Variants in TMEM178B observed in about 807,000 individuals in gnomAD.
The protein encoded by TMEM178B is transmembrane protein 178B.
In TMEM178B, 5 loss-of-function variants were observed where a neutral mutation model predicts 31.0. That is an observed-to-expected ratio of 0.16 (90% CI 0.08 to 0.34). TMEM178B has a LOEUF of 0.34. Ranked by LOEUF, TMEM178B falls within the 10% of genes least tolerant of loss-of-function variation. The pLI, the probability that TMEM178B is intolerant of heterozygous loss-of-function variation, is 1.00. For synonymous variants in TMEM178B, 164 were observed against 164.0 expected, an observed-to-expected ratio of 1.00 and a Z score of 0.00; for missense variants, 275 against 400.3, an observed-to-expected ratio of 0.69 and a Z score of 2.67.
chr7:141,508,244 A>G, the TMEM178B span, among the ~76,000 whole-genome samples: 206 of 152,326 alleles, frequency 1.4e-3, 2 homozygotes, highest in African/African-American at 4.7e-3. Flanking sequence ...CTCTAGCTTT[A>G]GCAGTCTCTT....
intron 2 of TMEM178B, among the ~76,000 whole-genome samples, chr7:141,350,104 A>G (rs1227454092): frequency 6.6e-6 from 1 of 152,106 alleles, no homozygotes; most frequent in Admixed American, 6.5e-5. Context: ...GCTTGAAGTT[A>G]CAGAGATGAA....
At chr7:141,228,087 A>G (rs181826852) in intron 2 of TMEM178B, among the ~76,000 whole-genome samples, 1 of 152,248 alleles carries the variant, frequency 6.6e-6, no homozygotes, top group East Asian at 1.9e-4. Flanking sequence ...TCAAAAGCAA[A>G]TTCAACTTAG....
chr7:141,502,316 C>CCGGG, the TMEM178B span, among the ~76,000 whole-genome samples: 1 of 132,880 alleles, frequency 7.5e-6, no homozygotes, highest in African/African-American at 4.1e-5. Context: ...AGAAAAGAGG[C>CCGGG]CGGGGATGGT....
chr7:141,459,537 T>C (rs1362458202), intron 3 of TMEM178B, among the ~76,000 whole-genome samples: 3 of 152,140 alleles, frequency 2.0e-5, no homozygotes, highest in Non-Finnish European at 2.9e-5. Flanking sequence ...CATAAAAATT[T>C]TAAAGATTCA....
intron 2 of TMEM178B, among the ~76,000 whole-genome samples, chr7:141,364,659 CAAAAAAA>C (rs980786132): frequency 1.3e-4 from 6 of 47,694 alleles, no homozygotes; most frequent in Admixed American, 5.4e-4. Context: ...GACTCTGTCT[CAAAAAAA>C]AAAAAAAAAA....
chr7:141,433,137 T>C (rs1471428317), intron 2 of TMEM178B, among the ~76,000 whole-genome samples: 7 of 152,138 alleles, frequency 4.6e-5, no homozygotes, highest in Admixed American at 1.3e-4. Flanking sequence ...CACCTGTTGA[T>C]CTCCAAACCT....
chr7:141,103,001 C>T (rs1795083408), intron 1 of TMEM178B, among the ~76,000 whole-genome samples: 1 of 152,164 alleles, frequency 6.6e-6, no homozygotes, highest in Non-Finnish European at 1.5e-5. Flanking sequence ...CACAGGCAGC[C>T]ACACTCACTG....
At chr7:141,213,946 A>G (rs898022070) in intron 2 of TMEM178B, among the ~76,000 whole-genome samples, 31 of 152,236 alleles carry the variant, frequency 2.0e-4, no homozygotes, top group Admixed American at 6.5e-5. Context: ...CCATTACTAG[A>G]GACACTAAGC....
chr7:141,496,711 AGAAGACAT>A, the TMEM178B span, among the ~76,000 whole-genome samples: 214 of 151,614 alleles, frequency 1.4e-3, 3 homozygotes, highest in African/African-American at 4.8e-3. Flanking sequence ...AGAAGGGAAA[AGAAGACAT>A]GACAGAGGAA....
intron 3 of TMEM178B, among the ~76,000 whole-genome samples, chr7:141,441,479 G>A (rs1801656486): frequency 6.6e-6 from 1 of 152,284 alleles, no homozygotes; most frequent in African/African-American, 2.4e-5. Context: ...CCCAGGCTCA[G>A]GTTGCTCACC....
chr7:141,399,858 G>T (rs974164732), intron 2 of TMEM178B, among the ~76,000 whole-genome samples: 3 of 151,994 alleles, frequency 2.0e-5, no homozygotes, highest in African/African-American at 7.3e-5. Context: ...GTCTTACTTT[G>T]GGTCTTGAAA....
chr7:141,280,119 A>T (rs1586867354), intron 2 of TMEM178B, among the ~76,000 whole-genome samples: 1 of 152,272 alleles, frequency 6.6e-6, no homozygotes, highest in East Asian at 1.9e-4. Flanking sequence ...AATGTCTAGT[A>T]TTGCATGTTT....
chr7:141,339,113 C>T (rs1217219530), intron 2 of TMEM178B, among the ~76,000 whole-genome samples: 1 of 152,068 alleles, frequency 6.6e-6, no homozygotes, highest in Non-Finnish European at 1.5e-5. Context: ...AGCCCTCAAG[C>T]GGGGTAATTT....
At chr7:141,158,732 G>A (rs1453426021) in intron 1 of TMEM178B, among the ~76,000 whole-genome samples, 1 of 152,078 alleles carries the variant, frequency 6.6e-6, no homozygotes, top group Non-Finnish European at 1.5e-5. Flanking sequence ...GACAAGTGTG[G>A]ATGGCTGATT....
chr7:141,215,834 C>CTTTCTTTTCT (rs199829606), intron 2 of TMEM178B, among the ~76,000 whole-genome samples: 20 of 28,886 alleles, frequency 6.9e-4, no homozygotes, highest in African/African-American at 1.7e-3. Flanking sequence ...TTCTTTCTTT[C>CTTTCTTTTCT]TTTCTTTTCT....
chr7:141,119,715 G>A (rs1212070746), intron 1 of TMEM178B, among the ~76,000 whole-genome samples: 1 of 152,182 alleles, frequency 6.6e-6, no homozygotes, highest in East Asian at 1.9e-4. Flanking sequence ...AGGAAAGGCT[G>A]GAGAAGGGAG....
downstream of TMEM178B, among the ~76,000 whole-genome samples, chr7:141,480,590 T>C (rs1802457147): frequency 6.6e-6 from 1 of 152,232 alleles, no homozygotes; most frequent in Non-Finnish European, 1.5e-5. Flanking sequence ...GCATGTTGGG[T>C]GGAAGGAGAA....
chr7:141,136,366 C>T (rs1331150591), intron 1 of TMEM178B, among the ~76,000 whole-genome samples: 1 of 152,070 alleles, frequency 6.6e-6, no homozygotes, highest in African/African-American at 2.4e-5. Context: ...TCACCATATA[C>T]AAAAATCAAT....
At chr7:141,174,123 C>T (rs1302181348) in intron 1 of TMEM178B, among the ~76,000 whole-genome samples, 1 of 152,104 alleles carries the variant, frequency 6.6e-6, no homozygotes, top group Non-Finnish European at 1.5e-5. Flanking sequence ...CACCCCCACC[C>T]CCTGACAGGC....
Sources: allele counts gnomAD v4.1 joint callset (sites outside exome capture counted in the v4.1 genomes callset), GRCh38; gene constraint gnomAD v4.1.1; transcripts MANE v1.5; gene names NCBI Gene and HGNC (gene_info 2026-07-23, HGNC 2026-07-21).